KHDRBS2: variants seen among roughly 807,000 people sequenced by gnomAD.
KHDRBS2 encodes KH domain-containing, RNA-binding, signal transduction-associated protein 2.
Under a neutral mutation model 44.3 loss-of-function variants are expected in KHDRBS2, and 26 were observed. The observed-to-expected ratio is 0.59, with a 90% CI of 0.43 to 0.81. KHDRBS2 has a LOEUF of 0.81. Among genes scored for constraint, KHDRBS2 ranks in the 40% least tolerant of loss-of-function variants. The pLI is 0.00. For missense variants in KHDRBS2, 476 were observed against 433.1 expected (o/e 1.10, Z -0.88); for synonymous variants, 194 against 151.1 (o/e 1.28, Z -2.08).
chr6:61,647,115 GGCCCATAT>G, the KHDRBS2 span, among the ~76,000 whole-genome samples: 1 of 100,224 alleles, frequency 1.0e-5, no homozygotes, highest in African/African-American at 2.9e-5. Context: ...CACTGTGCCT[GGCCCATAT>G]GGTAAAAATT....
intron 2 of KHDRBS2, among the ~76,000 whole-genome samples, chr6:62,124,681 AAAT>A (rs1386301476): frequency 3.9e-5 from 6 of 151,934 alleles, no homozygotes; most frequent in Non-Finnish European, 8.8e-5. Flanking sequence ...TTGCTATTGT[AAAT>A]AATAATATGA....
At chr6:61,730,089 G>C (rs1475624635) in intron 7 of KHDRBS2, among the ~76,000 whole-genome samples, 1 of 152,032 alleles carries the variant, frequency 6.6e-6, no homozygotes, top group African/African-American at 2.4e-5. Flanking sequence ...GAAAAAAATA[G>C]TTTACTAATT....
At chr6:62,005,265 A>G (rs1779002877) in intron 3 of KHDRBS2, among the ~76,000 whole-genome samples, 1 of 152,046 alleles carries the variant, frequency 6.6e-6, no homozygotes, top group Non-Finnish European at 1.5e-5. Context: ...TCAGATACAT[A>G]ACTGATTTTA....
chr6:61,707,001 A>G (rs1474127090), intron 7 of KHDRBS2, among the ~76,000 whole-genome samples: 1 of 151,854 alleles, frequency 6.6e-6, no homozygotes, highest in Non-Finnish European at 1.5e-5. Flanking sequence ...TAAATCTGGA[A>G]GGGGGAACAT....
the KHDRBS2 span, among the ~76,000 whole-genome samples, chr6:61,547,776 C>G: frequency 6.6e-6 from 1 of 152,084 alleles, no homozygotes; most frequent in Non-Finnish European, 1.5e-5. Context: ...GATCGGCTGC[C>G]TTAGAGGGAC....
intron 4 of KHDRBS2, among the ~76,000 whole-genome samples, chr6:61,975,498 C>T (rs1160503303): frequency 6.6e-6 from 1 of 152,100 alleles, no homozygotes; most frequent in Non-Finnish European, 1.5e-5. Context: ...TTGCGGTTCT[C>T]CCATTCTTTG....
chr6:61,972,064 A>C (rs1245312877), intron 4 of KHDRBS2, among the ~76,000 whole-genome samples: 1 of 152,108 alleles, frequency 6.6e-6, no homozygotes, highest in Non-Finnish European at 1.5e-5. Flanking sequence ...TACTTAACAG[A>C]TTCTGATTAC....
chr6:61,616,388 T>C, the KHDRBS2 span, among the ~76,000 whole-genome samples: 1 of 151,750 alleles, frequency 6.6e-6, no homozygotes, highest in East Asian at 1.9e-4. Context: ...AGTGGTTAGC[T>C]GGAAAAATGA....
chr6:61,594,092 A>G, the KHDRBS2 span, among the ~76,000 whole-genome samples: 1 of 152,092 alleles, frequency 6.6e-6, no homozygotes, highest in Non-Finnish European at 1.5e-5. Context: ...CAATTTACAA[A>G]TTCTGGAGGG....
intron 4 of KHDRBS2, among the ~76,000 whole-genome samples, chr6:61,906,920 T>C (rs1805141660): frequency 6.6e-6 from 1 of 151,906 alleles, no homozygotes; most frequent in African/African-American, 2.4e-5. Context: ...TGGATATGTA[T>C]ACCTAACAGT....
At chr6:62,026,196 T>C (rs1368871734) in intron 3 of KHDRBS2, among the ~76,000 whole-genome samples, 3 of 151,562 alleles carry the variant, frequency 2.0e-5, no homozygotes, top group Non-Finnish European at 4.4e-5. Flanking sequence ...ATACTTCTCT[T>C]TTCTTATATA....
At chr6:61,568,009 T>A in the KHDRBS2 span, among the ~76,000 whole-genome samples, 2 of 152,312 alleles carry the variant, frequency 1.3e-5, no homozygotes, top group Non-Finnish European at 2.9e-5. Context: ...TTGAGTTAAT[T>A]TTTGTATATA....
At chr6:61,709,473 A>G (rs934950897) in intron 7 of KHDRBS2, among the ~76,000 whole-genome samples, 1 of 151,614 alleles carries the variant, frequency 6.6e-6, no homozygotes, top group Admixed American at 6.6e-5. Context: ...TCAAATAAGA[A>G]GGAAATATAT....
chr6:61,853,423 A>ACT (rs1430559345), intron 6 of KHDRBS2, among the ~76,000 whole-genome samples: 3 of 152,220 alleles, frequency 2.0e-5, no homozygotes, highest in Non-Finnish European at 4.4e-5. Flanking sequence ...CATAAACATA[A>ACT]TTACAGTTAT....
At chr6:62,256,546 A>G (rs1472783993) in intron 1 of KHDRBS2, among the ~76,000 whole-genome samples, 1 of 152,014 alleles carries the variant, frequency 6.6e-6, no homozygotes, top group East Asian at 1.9e-4. Context: ...TTCACCTTCT[A>G]CCATGATTGT....
intron 1 of KHDRBS2, among the ~76,000 whole-genome samples, chr6:62,209,207 A>G (rs796259670): frequency 1.3e-4 from 20 of 152,370 alleles, no homozygotes; most frequent in African/African-American, 4.6e-4. Context: ...AGCATAAAGC[A>G]GTAAATAATT....
intron 2 of KHDRBS2, among the ~76,000 whole-genome samples, chr6:62,116,129 A>C (rs1455400966): frequency 6.6e-6 from 1 of 152,152 alleles, no homozygotes; most frequent in Non-Finnish European, 1.5e-5. Context: ...TATTGTATGC[A>C]TACAAACTGG....
At chr6:61,545,169 G>A in the KHDRBS2 span, among the ~76,000 whole-genome samples, 3 of 151,986 alleles carry the variant, frequency 2.0e-5, no homozygotes, top group Non-Finnish European at 2.9e-5. Flanking sequence ...ATTGGGGCTG[G>A]GCATGGTGGT....
At chr6:61,776,518 CA>C (rs1242449949) in intron 6 of KHDRBS2, among the ~76,000 whole-genome samples, 2 of 152,096 alleles carry the variant, frequency 1.3e-5, no homozygotes, top group East Asian at 1.9e-4. Context: ...ATTTATGCAG[CA>C]AAAGAACACA....
Sources: allele counts gnomAD v4.1 joint callset (sites outside exome capture counted in the v4.1 genomes callset), GRCh38; gene constraint gnomAD v4.1.1; transcripts MANE v1.5; gene names NCBI Gene and HGNC (gene_info 2026-07-23, HGNC 2026-07-21).